The following RUNX1T1 variants were observed in gnomAD, a reference collection of about 807,000 sequenced individuals.
RUNX1T1 encodes the protein RUNX1 partner transcriptional co-repressor 1.
In RUNX1T1, 4 loss-of-function variants were observed where a neutral mutation model predicts 62.8. The ratio of observed to expected loss-of-function variants is 0.06; its 90% CI spans 0.03 to 0.15. RUNX1T1 has a LOEUF of 0.15. Ranked by LOEUF, RUNX1T1 falls within the 10% of genes least tolerant of loss-of-function variation. RUNX1T1 has a pLI of 1.00. For synonymous variants in RUNX1T1, 291 were observed against 286.0 expected, an observed-to-expected ratio of 1.02 and a Z score of -0.18; for missense variants, 508 against 754.3, an observed-to-expected ratio of 0.67 and a Z score of 3.82.
At chr8:92,100,795 A>G (rs1432775333), upstream of RUNX1T1, among the ~76,000 whole-genome samples, 1 of 152,240 alleles carries the variant, frequency 6.6e-6, no homozygotes, top group African/African-American at 2.4e-5. Flanking sequence ...AAGAGAGGGA[A>G]ATCCACAGAA....
chr8:92,052,663 G>A (rs1830414800), intron 1 of RUNX1T1, among the ~76,000 whole-genome samples: 1 of 152,180 alleles, frequency 6.6e-6, no homozygotes, highest in African/African-American at 2.4e-5. Context: ...ATATGCTTAA[G>A]AATCCTCTGA....
intron 5 of RUNX1T1, chr8:92,003,384 G>C (rs1820131826): frequency 2.2e-6 from 1 of 455,996 alleles, no homozygotes; most frequent in Non-Finnish European, 4.4e-6. Flanking sequence ...AAAATAGCTG[G>C]AAATACAGAG....
intron 10 of RUNX1T1, among the ~76,000 whole-genome samples, chr8:91,962,448 GAACAA>G (rs1212158558): frequency 6.6e-6 from 1 of 152,302 alleles, no homozygotes; most frequent in African/African-American, 2.4e-5. Context: ...AATAGTAGTA[GAACAA>G]AACAATTTTT....
At chr8:92,068,607 A>G (rs182574013) in intron 2 of RUNX1T1, among the ~76,000 whole-genome samples, 18 of 152,270 alleles carry the variant, frequency 1.2e-4, no homozygotes, top group African/African-American at 4.3e-4. Flanking sequence ...ATGAATGACA[A>G]TTTTAAAGAC....
At chr8:92,099,704 A>C, upstream of RUNX1T1, 1 of 945,884 alleles carries the variant, frequency 1.1e-6, no homozygotes, top group African/African-American at 1.8e-5. Flanking sequence ...TCAGTGAAGA[A>C]GGCTTTGCAT....
chr8:91,964,709 T>C (rs972100145), intron 10 of RUNX1T1, among the ~76,000 whole-genome samples: 1 of 152,228 alleles, frequency 6.6e-6, no homozygotes, highest in African/African-American at 2.4e-5. Flanking sequence ...TGCCACACTT[T>C]GTCAACTTCA....
rs569804205 is a variant in RUNX1T1 at position 91,965,616 on chromosome 8, C to T, written c.1458+5042G>A. On this transcript the variant is annotated intron_variant, in intron 10 of 10. Coordinates refer to ENST00000396218, the Ensembl canonical transcript of RUNX1T1. ...TGTAGGTACCTCCACCAGGATGCTC[C>T]TCTAAGTCAGTATTCCCTAAACCCA... is the stretch of plus-strand genomic sequence containing the variant. Among the ~76,000 whole-genome samples, 58 of 152,246 alleles carry T rather than the reference C, an allele frequency of 3.8e-4. No individual in the cohort carries two copies. The South Asian group carries it at 0.012, about 32-fold the overall frequency.
chr8:92,095,728 A>C (rs1309565114), intron 1 of RUNX1T1: 5 of 574,624 alleles, frequency 8.7e-6, no homozygotes, highest in Non-Finnish European at 1.1e-5. Context: ...ATGGGGCCAG[A>C]AAGTGGGGGA....
At chr8:91,976,387 C>G (rs902172384) in intron 8 of RUNX1T1, among the ~76,000 whole-genome samples, 2 of 152,192 alleles carry the variant, frequency 1.3e-5, no homozygotes, top group Non-Finnish European at 2.9e-5. Context: ...GTAATTTCCA[C>G]AGAGCTCTGA....
chr8:92,094,250 T>C (rs1387800609), intron 1 of RUNX1T1, among the ~76,000 whole-genome samples: 3 of 152,252 alleles, frequency 2.0e-5, no homozygotes, highest in Non-Finnish European at 4.4e-5. Flanking sequence ...ATTAGGCTTT[T>C]AGTTACTGGA....
In RUNX1T1 at chr8:92,026,498, C is replaced by T. The variant is rs1024415113; in HGVS notation, c.8-9135G>A. ...TGGGATATGAACTGCACTCAGTAAA[C>T]GTTAAATCTGTAGCTAGCATTACAT... is the stretch of plus-strand genomic sequence containing the variant. On this transcript the variant is annotated intron_variant, in intron 1 of 10. Coordinates refer to ENST00000396218, the Ensembl canonical transcript of RUNX1T1. 2.6e-5 allele frequency among the ~76,000 whole-genome samples: 4 copies of T among 152,178 alleles called. 1 individual carries two copies. The highest frequency in any genetic ancestry group is 2.1e-4 in the South Asian group (1 of 4,832).
At chr8:92,079,930 C>G (rs1388755853) in intron 1 of RUNX1T1, among the ~76,000 whole-genome samples, 1 of 152,168 alleles carries the variant, frequency 6.6e-6, no homozygotes, top group African/African-American at 2.4e-5. Flanking sequence ...GAGTCACCAC[C>G]TGACAGATGA....
chr8:92,028,913 C>A (rs1015237945), intron 1 of RUNX1T1, among the ~76,000 whole-genome samples: 1 of 150,974 alleles, frequency 6.6e-6, no homozygotes, highest in Non-Finnish European at 1.5e-5. Context: ...TGATCCAAAC[C>A]TTTTATCATC....
At chr8:91,959,939 A>C in exon 11 of RUNX1T1, 1 of 411,308 alleles carries the variant, frequency 2.4e-6, no homozygotes, top group Non-Finnish European at 4.4e-6. Context: ...AATCCCAGCT[A>C]CTTGAAAATA....
chr8:91,987,041 T>C (rs541255798), intron 6 of RUNX1T1, 69 bp from the exon 8 acceptor site: 22 of 1,006,448 alleles, frequency 2.2e-5, no homozygotes, highest in African/African-American at 1.9e-4. Flanking sequence ...CACAGACTCA[T>C]AGCAAGGACT....
At chr8:92,096,707 C>T (rs1257412641) in intron 1 of RUNX1T1, among the ~76,000 whole-genome samples, 1 of 152,102 alleles carries the variant, frequency 6.6e-6, no homozygotes, top group Non-Finnish European at 1.5e-5. Flanking sequence ...ATGGTGTGCA[C>T]TGTAGCCCTA....
At chr8:92,031,440 A>G (rs1480939893) in intron 1 of RUNX1T1, among the ~76,000 whole-genome samples, 1 of 151,778 alleles carries the variant, frequency 6.6e-6, no homozygotes, top group Non-Finnish European at 1.5e-5. Context: ...AAGTGTGACA[A>G]GATTTAGCCT....
At chr8:91,955,581 G>A (rs929345085), downstream of RUNX1T1, 1 of 226,156 alleles carries the variant, frequency 4.4e-6, no homozygotes, top group Non-Finnish European at 8.8e-6. Flanking sequence ...CTTGAAACAG[G>A]AACCCAGCTG....
At chr8:92,010,967 T>TA (rs1821811931) in intron 4 of RUNX1T1, 35 bp downstream of exon 5, 1 of 1,225,432 alleles carries the variant, frequency 8.2e-7, no homozygotes, top group Admixed American at 1.7e-5. Flanking sequence ...CAATATGGTT[T>TA]AAAATACTTT....
Sources: allele counts gnomAD v4.1 joint callset (sites outside exome capture counted in the v4.1 genomes callset), GRCh38; gene constraint gnomAD v4.1.1; transcripts MANE v1.5; gene names NCBI Gene and HGNC (gene_info 2026-07-23, HGNC 2026-07-21).